Variants in PCDHGA8 observed in about 807,000 individuals in gnomAD.
The protein encoded by PCDHGA8 is protocadherin gamma-A8.
In PCDHGA8, 45 loss-of-function variants were observed where a neutral mutation model predicts 59.2. That is an observed-to-expected ratio of 0.76 (90% confidence interval 0.60 to 0.98). The LOEUF is 0.98. PCDHGA8 is among the 50% of genes least tolerant of loss of function. The probability of loss-of-function intolerance (pLI) is 0.00; values close to 1 mark genes in which losing one functional copy is unlikely to be tolerated. For missense variants in PCDHGA8, 1,257 were observed against 1,196.2 expected (o/e 1.05, Z -0.75); for synonymous variants, 531 against 519.0 (o/e 1.02, Z -0.32).
rs766168062 is a variant in PCDHGA8, at chr5:141,491,124, G to A, written c.2425-3683G>A. ...TCGTGTCTACACACACTGGTGAGGT[G>A]CGCACAGCCCGGGCCTTACTGGAGG... On this transcript the variant is annotated intron_variant, in intron 1 of 3. Transcript: ENST00000398604. The surrounding 1 kb of genome is among the most constrained non-coding windows in gnomAD (Gnocchi z 6.9). 22 of 1,614,092 alleles carry A rather than the reference G, an allele frequency of 1.4e-5. No individual in the cohort carries two copies. The highest frequency in any genetic ancestry group is 3.3e-5 in the Admixed American group (2 of 60,004).
At chr5:141,409,351 G>A (rs756967611) in intron 1 of PCDHGA8, 7 of 1,613,982 alleles carry the variant, frequency 4.3e-6, no homozygotes, top group Non-Finnish European at 5.9e-6. Flanking sequence ...GAGAAGTCAG[G>A]TGTAATATAG....
Position 141,487,413 on chromosome 5 carries a change from A to G in PCDHGA8, c.2425-7394A>G, listed in dbSNP as rs1562119204. The G allele has an allele frequency of 1.2e-6, 2 of 1,614,172 alleles. No homozygotes were observed. The highest frequency in any genetic ancestry group is 2.2e-5 in the East Asian group (1 of 44,862). ...AGGAGGGAGGGGCTTCCCCCTTCCA[A>G]TGGGATCCTCCGAATCCAGCTAGGG... On this transcript the variant is annotated intron_variant, in intron 1 of 3. Coordinates refer to ENST00000398604, the MANE Select transcript of PCDHGA8 (RefSeq NM_032088.2). This position sits in a 1 kb window ranked among gnomAD's most constrained non-coding sequence, Gnocchi z 5.0.
chr5:141,430,805 C>T (rs1445689047), intron 1 of PCDHGA8: 2 of 1,525,722 alleles, frequency 1.3e-6, no homozygotes, highest in Admixed American at 2.3e-5. Flanking sequence ...GCTTGTCCTG[C>T]TGGGAATCCT....
chr5:141,499,689 C>CTTTTTTTT (rs545067566), intron 2 of PCDHGA8, among the ~76,000 whole-genome samples: 2 of 119,854 alleles, frequency 1.7e-5, no homozygotes, highest in Non-Finnish European at 1.7e-5. Context: ...TAACAGATGA[C>CTTTTTTTT]TTTTTTTTTT....
intron 1 of PCDHGA8, among the ~76,000 whole-genome samples, chr5:141,472,980 C>CAAA (rs60579131): frequency 5.8e-5 from 5 of 86,104 alleles, no homozygotes; most frequent in Non-Finnish European, 1.0e-4. Context: ...GAGTGAAACT[C>CAAA]AAAAAAAAAA....
At position 141,485,480 on chromosome 5, in the gene PCDHGA8, A is replaced by G. The variant is rs535194185; in HGVS notation, c.2425-9327A>G. On this transcript the variant is annotated intron_variant, in intron 1 of 3. Transcript: ENST00000398604. The surrounding 1 kb of genome is among the most constrained non-coding windows in gnomAD (Gnocchi z 5.7). Reference sequence around the variant, plus strand: ...ACTGTGTGGGCTCAGTGCCAGCTGCATCGTGCCCCTGGAGTTTGTCACCGA... The same window carrying G: ...ACTGTGTGGGCTCAGTGCCAGCTGCGTCGTGCCCCTGGAGTTTGTCACCGA... The G allele has an allele frequency of 2.5e-6, 4 of 1,614,154 alleles. No individual in the cohort carries two copies. The South Asian group carries it at 3.3e-5, about 13-fold the overall frequency.
At chr5:141,496,844 T>G (rs1275272674) in intron 2 of PCDHGA8, among the ~76,000 whole-genome samples, 2 of 150,852 alleles carry the variant, frequency 1.3e-5, no homozygotes, top group Non-Finnish European at 2.9e-5. Context: ...CTCATAGGCT[T>G]CCAGACCAGC....
chr5:141,450,006 C>CTATTTTT lies in PCDHGA8; in HGVS notation c.2425-44800_2425-44799insATTTTTT, dbSNP rs70988802. On this transcript the variant is annotated intron_variant, in intron 1 of 3. Coordinates refer to ENST00000398604, the MANE Select transcript of PCDHGA8 (RefSeq NM_032088.2). ...CACATTGCATTTAGTTGCCATGTCTCTTTTTTTTTTTTTTTTTTGAGACAG... is the reference window on the plus strand; with the variant it reads ...CACATTGCATTTAGTTGCCATGTCTCTATTTTTTTTTTTTTTTTTTTTTTTGAGACAG... Among the ~76,000 whole-genome samples, 248 of 132,920 alleles carry CTATTTTT rather than the reference C, an allele frequency of 1.9e-3. 8 individuals carry two copies. Among genetic ancestry groups the CTATTTTT allele is most frequent in the African/African-American group, 4.3e-3 (154 of 35,586 alleles). 87.2% of individuals were successfully genotyped at this position (132,920 alleles called of 152,430 possible). A position where few individuals can be genotyped will look rare whatever the true frequency, so the allele number is the denominator to read the frequency against.
At chr5:141,397,462 G>A (rs1415733475) in intron 1 of PCDHGA8, among the ~76,000 whole-genome samples, 1 of 152,152 alleles carries the variant, frequency 6.6e-6, no homozygotes, top group Non-Finnish European at 1.5e-5. Context: ...TAGAAATATT[G>A]GGGAGTTGGA....
chr5:141,503,343 T>C (rs558650835), intron 2 of PCDHGA8, among the ~76,000 whole-genome samples: 87 of 152,106 alleles, frequency 5.7e-4, no homozygotes, highest in South Asian at 1.2e-3. Flanking sequence ...ACGCCTGTAA[T>C]TCCAGCACTT....
At position 141,486,484 on chromosome 5, in the gene PCDHGA8, C is replaced by G. The variant is rs200150307; in HGVS notation, c.2425-8323C>G. ...ATGCTGGGAACCCTCCTCTCAGTAC[C>G]CACAGAACTATTTTCCTCAATATTT... On this transcript the variant is annotated intron_variant, in intron 1 of 3. Transcript: ENST00000398604. The surrounding 1 kb of genome is among the most constrained non-coding windows in gnomAD (Gnocchi z 5.0). The G allele has an allele frequency of 2.8e-5, 45 of 1,614,102 alleles. No homozygotes were observed. In the Admixed American group the frequency reaches 5.5e-4, roughly 20 times the overall value.
intron 1 of PCDHGA8, chr5:141,412,854 A>T (rs1356959630): frequency 4.5e-6 from 1 of 223,412 alleles, no homozygotes; most frequent in African/African-American, 2.3e-5. Context: ...GAGAAACCAA[A>T]GAATCTATGT....
At chr5:141,420,327 A>G in intron 1 of PCDHGA8, 1 of 1,425,478 alleles carries the variant, frequency 7.0e-7, no homozygotes, top group South Asian at 1.5e-5. Context: ...ATGCCAATAT[A>G]TTCCAATATA....
At chr5:141,395,374 T>A in intron 1 of PCDHGA8, 137 bp downstream of exon 1, 1 of 1,187,898 alleles carries the variant, frequency 8.4e-7, no homozygotes. Context: ...ATTTTGGTGG[T>A]GTTACTATAA....
chr5:141,393,842 T>C lies in PCDHGA8; in HGVS notation c.1029T>C (p.Asn343=), dbSNP rs1010461527. 5 of 1,613,948 alleles carry C rather than the reference T, an allele frequency of 3.1e-6. No individual in the cohort carries two copies. Among genetic ancestry groups the C allele is most frequent in the Non-Finnish European group, 4.2e-6 (5 of 1,179,872 alleles). The stretch of plus-strand genomic sequence containing the variant: ...TTTCGGTGGAAGATGTAAATGACAA[T>C]AGACCAGAAGTGATCATTACGTCTT... The part of the protein sequence containing the change: ...LLISVEDVND[N]RPEVIITSLF... Residue 343 remains asparagine (N), a synonymous_variant, in exon 1 of 4, where the codon AAT becomes AAC. Coordinates refer to ENST00000398604, the MANE Select transcript of PCDHGA8 (RefSeq NM_032088.2).
Position 141,422,832 on chromosome 5 carries a change from A to G in PCDHGA8, c.2424+27595A>G, listed in dbSNP as rs12520854. On this transcript the variant is annotated intron_variant, in intron 1 of 3. Coordinates refer to ENST00000398604, the MANE Select transcript of PCDHGA8 (RefSeq NM_032088.2). Reference sequence around the variant, plus strand: ...GAGACTTAGAACTGAGAGTGATAGCACGTGACAGCGGGGACCCGCCCCTCA... The same window carrying G: ...GAGACTTAGAACTGAGAGTGATAGCGCGTGACAGCGGGGACCCGCCCCTCA... The G allele has an allele frequency of 6.8e-3, 10,902 of 1,614,192 alleles. 60 individuals are homozygous for G. The highest frequency in any genetic ancestry group is 7.9e-3 in the Non-Finnish European group (9,294 of 1,180,036).
intron 1 of PCDHGA8, among the ~76,000 whole-genome samples, chr5:141,407,609 TG>T (rs2094960291): frequency 1.3e-5 from 2 of 152,162 alleles, no homozygotes; most frequent in Admixed American, 1.3e-4. Flanking sequence ...AAAGAAGCAT[TG>T]GTTGACATTC....
At chr5:141,459,930 T>C (rs1385764489) in intron 1 of PCDHGA8, among the ~76,000 whole-genome samples, 1 of 152,176 alleles carries the variant, frequency 6.6e-6, no homozygotes, top group East Asian at 1.9e-4. Context: ...TATATCCTTG[T>C]AGCTGGGCGT....
At chr5:141,448,710 G>T (rs897054829) in intron 1 of PCDHGA8, among the ~76,000 whole-genome samples, 1 of 152,162 alleles carries the variant, frequency 6.6e-6, no homozygotes, top group Non-Finnish European at 1.5e-5. Flanking sequence ...GGAGGCCGAG[G>T]CGGGAGGATC....
Sources: allele counts gnomAD v4.1 joint callset (sites outside exome capture counted in the v4.1 genomes callset), GRCh38; gene constraint gnomAD v4.1.1; non-coding constraint Gnocchi (gnomAD v3.1); transcripts MANE v1.5; gene names NCBI Gene and HGNC (gene_info 2026-07-23, HGNC 2026-07-21).